Variants in PARD3B observed in about 807,000 individuals in gnomAD.
PARD3B encodes par-3 family cell polarity regulator beta.
PARD3B carries 103 observed loss-of-function variants against 130.2 expected under a neutral mutation model. The observed-to-expected ratio is 0.79, with a 90% confidence interval of 0.67 to 0.93. The LOEUF is 0.93. Among genes scored for constraint, PARD3B ranks in the 40% least tolerant of loss-of-function variants. The pLI is 0.00. For synonymous variants in PARD3B, 583 were observed against 553.2 expected (o/e 1.05, Z -0.76); for missense variants, 1,609 against 1,499.2 (o/e 1.07, Z -1.21).
intron 20 of PARD3B, among the ~76,000 whole-genome samples, chr2:205,489,202 A>T (rs989843265): frequency 1.3e-5 from 2 of 151,432 alleles, no homozygotes; most frequent in African/African-American, 4.9e-5. Context: ...CACATACTGT[A>T]TGTTGTTAAT....
In PARD3B at chr2:204,675,403, T is replaced by G. The variant is rs1300332705; in HGVS notation, c.121-10778T>G. 1.3e-5 allele frequency among the ~76,000 whole-genome samples: 2 copies of G among 152,134 alleles called. No homozygotes were observed. The highest frequency in any genetic ancestry group is 4.8e-5 in the African/African-American group (2 of 41,440). On this transcript the variant is annotated intron_variant, in intron 1 of 22. Transcript: ENST00000406610. This position sits in a 1 kb window ranked among gnomAD's most constrained non-coding sequence, Gnocchi z 4.4. ...TTCAGTTTTGTGATTATACTGTATA[T>G]AAACCTGAAGAGTTACATAAGGCCT...
chr2:205,602,409 G>A (rs1359836102), intron 22 of PARD3B, among the ~76,000 whole-genome samples: 1 of 152,194 alleles, frequency 6.6e-6, no homozygotes, highest in Non-Finnish European at 1.5e-5. Context: ...TTAGGGAGAA[G>A]TCCCTTCTTT....
intron 1 of PARD3B, among the ~76,000 whole-genome samples, chr2:204,567,890 C>A (rs2031768266): frequency 6.6e-6 from 1 of 152,288 alleles, no homozygotes; most frequent in South Asian, 2.1e-4. Context: ...GTTTTAATAG[C>A]CATTCTAATG....
intron 2 of PARD3B, among the ~76,000 whole-genome samples, chr2:204,737,880 A>C (rs961821020): frequency 6.6e-6 from 1 of 152,106 alleles, no homozygotes; most frequent in South Asian, 2.1e-4. Context: ...TTGGCTGTAC[A>C]TATTTGGCTT....
At position 204,673,674 on chromosome 2, in the gene PARD3B, A is replaced by G. The variant is rs1481364064; in HGVS notation, c.121-12507A>G. Among the ~76,000 whole-genome samples the G allele has an allele frequency of 6.6e-6, 1 of 152,206 alleles. No homozygotes were observed. The highest frequency in any genetic ancestry group is 1.9e-4 in the East Asian group (1 of 5,186). On this transcript the variant is annotated intron_variant, in intron 1 of 22. Coordinates refer to ENST00000406610, the MANE Select transcript of PARD3B (RefSeq NM_001302769.2). The surrounding 1 kb of genome is among the most constrained non-coding windows in gnomAD (Gnocchi z 4.7). ...CGGGCCTGACCCCTTATTTAAAAATACAAACTGCCTGTACTCCCCATCCTC... is the reference window on the plus strand; with the variant it reads ...CGGGCCTGACCCCTTATTTAAAAATGCAAACTGCCTGTACTCCCCATCCTC...
intron 2 of PARD3B, among the ~76,000 whole-genome samples, chr2:204,926,228 A>C (rs1177753987): frequency 1.3e-5 from 2 of 152,104 alleles, no homozygotes; most frequent in East Asian, 3.9e-4. Flanking sequence ...CAGGGCTGTT[A>C]GGAATGGGGA....
intron 18 of PARD3B, among the ~76,000 whole-genome samples, chr2:205,346,617 A>G (rs1473172431): frequency 1.3e-5 from 2 of 152,186 alleles, no homozygotes; most frequent in African/African-American, 2.4e-5. Context: ...TAGCTCTGTT[A>G]TGAGCACAAA....
At chr2:205,166,513 G>A (rs1352566130) in intron 11 of PARD3B, among the ~76,000 whole-genome samples, 7 of 152,206 alleles carry the variant, frequency 4.6e-5, no homozygotes, top group Non-Finnish European at 1.0e-4. Flanking sequence ...TGTGAAACAT[G>A]TAGTAGCTTT....
rs111991959 is a variant in PARD3B at position 205,151,898 on chromosome 2, C to T, written c.1435-6824C>T. On this transcript the variant is annotated intron_variant, in intron 10 of 22. Coordinates refer to ENST00000406610, the MANE Select transcript of PARD3B (RefSeq NM_001302769.2). The stretch of plus-strand genomic sequence containing the variant: ...TAGCATGTTTTTGCAGTGGCTGGTA[C>T]CAGTTGTTCCTTTCCATGTTTAGTG... Among the ~76,000 whole-genome samples the T allele has an allele frequency of 2.8e-3, 429 of 152,266 alleles. 6 individuals are homozygous for T. In the East Asian group the frequency reaches 0.032, roughly 11 times the overall value.
chr2:205,182,955 A>G (rs1376170661), intron 13 of PARD3B, among the ~76,000 whole-genome samples: 1 of 152,180 alleles, frequency 6.6e-6, no homozygotes, highest in Non-Finnish European at 1.5e-5. Context: ...TGCAAGAACT[A>G]GTCTAGGGAC....
At chr2:205,095,790 G>A (rs1340761950) in intron 4 of PARD3B, among the ~76,000 whole-genome samples, 1 of 152,020 alleles carries the variant, frequency 6.6e-6, no homozygotes, top group African/African-American at 2.4e-5. Context: ...ACTCCAGCAG[G>A]TAAAGGGTAT....
At chr2:204,895,850 A>C (rs2046623118) in intron 2 of PARD3B, among the ~76,000 whole-genome samples, 1 of 152,150 alleles carries the variant, frequency 6.6e-6, no homozygotes, top group Admixed American at 6.5e-5. Context: ...TAAAAGAAAT[A>C]GTTTTTAGAG....
At chr2:205,213,696 A>G (rs181864077) in intron 15 of PARD3B, among the ~76,000 whole-genome samples, 3 of 152,296 alleles carry the variant, frequency 2.0e-5, no homozygotes, top group African/African-American at 4.8e-5. Flanking sequence ...AGCCCAGAAC[A>G]TAGCACCATA....
chr2:205,194,216 G>A (rs376210284), intron 15 of PARD3B, among the ~76,000 whole-genome samples: 14 of 152,236 alleles, frequency 9.2e-5, no homozygotes, highest in African/African-American at 2.9e-4. Flanking sequence ...TCAAAAGTGC[G>A]TGCTCCACCA....
intron 18 of PARD3B, among the ~76,000 whole-genome samples, chr2:205,388,405 T>C (rs1190463579): frequency 6.6e-6 from 1 of 152,114 alleles, no homozygotes; most frequent in Non-Finnish European, 1.5e-5. Flanking sequence ...GACAAGCAAA[T>C]AGGAGGCTGA....
chr2:204,867,977 A>G (rs2045490373), intron 2 of PARD3B, among the ~76,000 whole-genome samples: 6 of 152,170 alleles, frequency 3.9e-5, no homozygotes, highest in Admixed American at 3.9e-4. Context: ...ATCCTTATGG[A>G]CTAGATCTCA....
At chr2:205,211,568 T>A (rs1295908798) in intron 15 of PARD3B, among the ~76,000 whole-genome samples, 4 of 152,026 alleles carry the variant, frequency 2.6e-5, no homozygotes, top group Admixed American at 2.0e-4. Context: ...TGGAAAGATA[T>A]CCAGTAGGAC....
At chr2:205,380,310 A>T (rs1165020553) in intron 18 of PARD3B, among the ~76,000 whole-genome samples, 4 of 19,414 alleles carry the variant, frequency 2.1e-4, no homozygotes, top group Non-Finnish European at 3.7e-4. Context: ...ATATTATATA[A>T]AGAATATATA....
At chr2:204,867,748 T>G (rs1385915537) in intron 2 of PARD3B, among the ~76,000 whole-genome samples, 1 of 152,202 alleles carries the variant, frequency 6.6e-6, no homozygotes, top group Non-Finnish European at 1.5e-5. Flanking sequence ...TTTCCGGCGA[T>G]GTATTTAGCA....
Sources: gnomAD v4.1 joint callset for allele counts (sites outside exome capture counted in the v4.1 genomes callset) on GRCh38, gnomAD v4.1.1 for gene constraint, Gnocchi (gnomAD v3.1) non-coding constraint, MANE v1.5 for transcripts, NCBI Gene and HGNC (gene_info 2026-07-23, HGNC 2026-07-21) for gene names.